AFP: variants seen among roughly 807,000 people sequenced by gnomAD.
AFP encodes alpha-fetoprotein.
Under a neutral mutation model 78.9 loss-of-function variants are expected in AFP, and 64 were observed. The observed-to-expected ratio is 0.81, with a 90% CI of 0.66 to 1.00. The LOEUF is 1.00. Ranked by LOEUF, AFP falls within the 50% of genes least tolerant of loss-of-function variation. AFP has a pLI of 0.00. For missense variants in AFP, 689 were observed against 703.8 expected, an observed-to-expected ratio of 0.98 and a Z score of 0.24; for synonymous variants, 254 against 243.8, an observed-to-expected ratio of 1.04 and a Z score of -0.39.
intron 13 of AFP, among the ~76,000 whole-genome samples, chr4:73,454,442 C>T (rs1429205825): frequency 1.3e-5 from 2 of 151,940 alleles, no homozygotes; most frequent in Non-Finnish European, 2.9e-5. Flanking sequence ...TACCTTTTTT[C>T]AGCTTTATTG....
At chr4:73,445,190 A>G in intron 7 of AFP, 68 bp downstream of exon 7, 2 of 1,588,402 alleles carry the variant, frequency 1.3e-6, no homozygotes, top group Admixed American at 3.3e-5. Flanking sequence ...CTCATTCTAA[A>G]AGGGAGAAGG....
intron 3 of AFP, among the ~76,000 whole-genome samples, chr4:73,440,239 T>C (rs895317626): frequency 6.6e-6 from 1 of 152,082 alleles, no homozygotes; most frequent in South Asian, 2.1e-4. Flanking sequence ...CAGGCCCCAG[T>C]GTGTGCTGTT....
intron 7 of AFP, among the ~76,000 whole-genome samples, 174 bp downstream of exon 7, chr4:73,445,296 T>G (rs1364005823): frequency 1.3e-5 from 2 of 152,208 alleles, no homozygotes; most frequent in African/African-American, 4.8e-5. Flanking sequence ...CTTTTGTTGA[T>G]CCTGGCTTTC....
intron 2 of AFP, 119 bp from the exon 3 acceptor site, chr4:73,438,055 T>C: frequency 7.2e-7 from 1 of 1,397,756 alleles, no homozygotes; most frequent in Non-Finnish European, 9.8e-7. Flanking sequence ...ACAAATCAAA[T>C]GTCTAAACAG....
Position 73,451,913 on chromosome 4 carries a change from C to G in AFP, c.1429-488C>G, listed in dbSNP as rs546538776. Among the ~76,000 whole-genome samples the G allele has an allele frequency of 2.6e-5, 4 of 152,296 alleles. No individual in the cohort carries two copies. In the South Asian group the frequency reaches 8.3e-4, roughly 32 times the overall value. On this transcript the variant is annotated intron_variant, in intron 11 of 14. Transcript: ENST00000395792. Reference sequence around the variant, plus strand: ...ACATTAGGAAAGTCTTAAAAACCCACAAAATTGCTCTTACTTCTTTTCAAT... The same window carrying G: ...ACATTAGGAAAGTCTTAAAAACCCAGAAAATTGCTCTTACTTCTTTTCAAT...
Position 73,436,270 on chromosome 4 carries a change from G to C in AFP, c.8G>C (p.Trp3Ser). The change falls in exon 1 of 15, where the codon TGG becomes TCG. Residue 3 changes from tryptophan (W) to serine (S), a missense_variant. Physicochemically the swap from Trp to Ser is radical, Grantham distance 177 (BLOSUM62 -3). Transcript: ENST00000395792. MKWVESIFLIFLL... is the reference protein window; with the variant it reads MKSVESIFLIFLL... ...ACAAAATAACTAGCAACCATGAAGT[G>C]GGTGGAATCAATTTTTTTAATTTTC... The C allele has an allele frequency of 6.3e-7, 1 of 1,598,534 alleles. No individual in the cohort carries two copies. Among genetic ancestry groups the C allele is most frequent in the Non-Finnish European group, 8.6e-7 (1 of 1,167,468 alleles).
chr4:73,446,004 A>G (rs1337539691), intron 7 of AFP, among the ~76,000 whole-genome samples: 3 of 152,178 alleles, frequency 2.0e-5, no homozygotes, highest in African/African-American at 7.2e-5. Context: ...AAATGGCTTG[A>G]TAACCAGCAC....
At chr4:73,449,950 A>G (rs1719937217) in intron 9 of AFP, 86 bp from the exon 10 acceptor site, 1 of 814,014 alleles carries the variant, frequency 1.2e-6, no homozygotes, top group Non-Finnish European at 2.0e-6. Flanking sequence ...TGGTTTTATA[A>G]TAGTATATAA....
Position 73,453,876 on chromosome 4 carries a change from G to A in AFP, c.1764G>A (p.Gln588=). The change falls in exon 13 of 15, where the codon CAG becomes CAA. Residue 588 remains glutamine, a synonymous_variant. Transcript: ENST00000395792. The part of the protein sequence containing the change: ...LLEKCCQGQE[Q]EVCFAEEGQK... ...AGAAATGCTGCCAAGGCCAGGAACA[G>A]GAAGTCTGCTTTGCTGAAGAGGTAC... The A allele has an allele frequency of 1.2e-6, 2 of 1,613,722 alleles. No homozygotes were observed. Among genetic ancestry groups the A allele is most frequent in the South Asian group, 2.2e-5 (2 of 91,078 alleles).
intron 4 of AFP, 128 bp from the exon 5 acceptor site, chr4:73,442,168 G>A (rs1398477465): frequency 9.9e-7 from 1 of 1,007,218 alleles, no homozygotes; most frequent in Non-Finnish European, 1.5e-6. Context: ...ACACAGTAAA[G>A]ACAAAGTCAA....
chr4:73,444,658 T>G (rs541023593), intron 6 of AFP, among the ~76,000 whole-genome samples: 1 of 152,318 alleles, frequency 6.6e-6, no homozygotes, highest in East Asian at 1.9e-4. Flanking sequence ...ATTTCTTAAT[T>G]GTTTATCCTT....
At position 73,447,492 on chromosome 4, in the gene AFP, C is replaced by G. The variant is rs746485734; in HGVS notation, c.874C>G (p.Gln292Glu). 9.9e-6 allele frequency: 16 copies of G among 1,611,510 alleles called. No homozygotes were observed. The highest frequency in any genetic ancestry group is 6.7e-5 in the East Asian group (3 of 44,862). Residue 292 changes from glutamine (Q) to glutamate (E), a missense_variant, in exon 8 of 15, where the codon CAA becomes GAA. Coordinates refer to ENST00000395792, the MANE Select transcript of AFP (RefSeq NM_001134.3). ...EKIMSYICSQ[Q>E]DTLSNKITEC... ...AATCATGTCCTACATATGTTCTCAA[C>G]AAGACACTCTGTCAAACAAAATAAC...
intron 5 of AFP, 106 bp from the exon 6 acceptor site, chr4:73,443,241 T>C (rs1719721380): frequency 2.4e-6 from 2 of 833,566 alleles, no homozygotes; most frequent in East Asian, 5.3e-5. Flanking sequence ...AAAACATATT[T>C]TATGGAATTT....
At chr4:73,453,140 T>A (rs1243349940) in intron 12 of AFP, among the ~76,000 whole-genome samples, 2 of 152,224 alleles carry the variant, frequency 1.3e-5, no homozygotes, top group Non-Finnish European at 2.9e-5. Flanking sequence ...GAGCTTATGT[T>A]CTTCAAACTC....
chr4:73,450,672 C>T lies in AFP; in HGVS notation c.1347C>T (p.Ala449=). 4.3e-6 allele frequency: 7 copies of T among 1,614,186 alleles called. No individual in the cohort carries two copies. Among genetic ancestry groups the T allele is most frequent in the Non-Finnish European group, 5.9e-6 (7 of 1,180,030 alleles). ...AGCTGACCTCGTCGGAGCTGATGGCCATCACCAGAAAAATGGCAGCCACAG... is the reference window on the plus strand; with the variant it reads ...AGCTGACCTCGTCGGAGCTGATGGCTATCACCAGAAAAATGGCAGCCACAG... The part of the protein sequence containing the change: ...APQLTSSELM[A]ITRKMAATAA... The change falls in exon 11 of 15, where the codon GCC becomes GCT. Residue 449 remains alanine (A), a synonymous_variant. Transcript: ENST00000395792.
chr4:73,449,989 G>A (rs759003317), intron 9 of AFP, 47 bp from the exon 10 acceptor site: 17 of 1,234,426 alleles, frequency 1.4e-5, no homozygotes, highest in Non-Finnish European at 3.5e-6. Flanking sequence ...ACAAAGTTAT[G>A]CATCCAAGAA....
At chr4:73,444,389 C>T (rs1280537610) in intron 6 of AFP, among the ~76,000 whole-genome samples, 5 of 152,094 alleles carry the variant, frequency 3.3e-5, no homozygotes, top group Non-Finnish European at 5.9e-5. Context: ...GCAGGAGTAA[C>T]ACTATTTTCT....
intron 13 of AFP, among the ~76,000 whole-genome samples, chr4:73,454,177 C>T (rs10002756): frequency 0.54 from 81,807 of 151,516 alleles, 22,603 homozygotes; most frequent in East Asian, 0.66. Context: ...AAATAATTGA[C>T]GGTAATTTAG....
intron 9 of AFP, 139 bp downstream of exon 9, chr4:73,449,606 A>G: frequency 1.9e-6 from 2 of 1,032,546 alleles, no homozygotes; most frequent in South Asian, 1.4e-5. Context: ...TTAAGCTGTT[A>G]TTAACTAGCA....
Sources: gnomAD v4.1 joint callset for allele counts (sites outside exome capture counted in the v4.1 genomes callset) on GRCh38, gnomAD v4.1.1 for gene constraint, MANE v1.5 for transcripts, NCBI Gene and HGNC (gene_info 2026-07-23, HGNC 2026-07-21) for gene names.